CACNG3: variants seen among roughly 807,000 people sequenced by gnomAD.
CACNG3 encodes the protein calcium voltage-gated channel auxiliary subunit gamma 3.
Under a neutral mutation model 28.5 loss-of-function variants are expected in CACNG3, and 3 were observed. The observed-to-expected ratio is 0.11, with a 90% CI of 0.05 to 0.27. The LOEUF is 0.27. CACNG3 is among the 10% of genes least tolerant of loss of function. The pLI is 1.00. For missense variants in CACNG3, 236 were observed against 414.4 expected (o/e 0.57, Z 3.74); for synonymous variants, 174 against 162.2 (o/e 1.07, Z -0.55).
chr16:24,336,416 C>T (rs1899710222), intron 1 of CACNG3, among the ~76,000 whole-genome samples: 2 of 151,264 alleles, frequency 1.3e-5, no homozygotes, highest in South Asian at 2.1e-4. Context: ...GGACTATAGG[C>T]GCCCGCCACT....
chr16:24,305,964 T>A (rs1214522732), intron 1 of CACNG3, among the ~76,000 whole-genome samples: 1 of 152,172 alleles, frequency 6.6e-6, no homozygotes, highest in Non-Finnish European at 1.5e-5. Flanking sequence ...CGAGCCACTG[T>A]GCCTGGCCTG....
chr16:24,277,712 G>A (rs1300690782), intron 1 of CACNG3, among the ~76,000 whole-genome samples: 12 of 151,240 alleles, frequency 7.9e-5, no homozygotes, highest in African/African-American at 2.2e-4. Flanking sequence ...CCCAGGATGC[G>A]GAGGTTACAG....
At chr16:24,298,355 C>T (rs1237152435) in intron 1 of CACNG3, among the ~76,000 whole-genome samples, 1 of 151,812 alleles carries the variant, frequency 6.6e-6, no homozygotes, top group African/African-American at 2.4e-5. Flanking sequence ...TTAGTTAATC[C>T]CCAGTTATTG....
chr16:24,343,960 G>C (rs558030315), intron 1 of CACNG3, among the ~76,000 whole-genome samples: 16 of 152,022 alleles, frequency 1.1e-4, no homozygotes, highest in South Asian at 2.1e-4. Flanking sequence ...ATGGTGGCAG[G>C]CGCCTTTAAT....
chr16:24,274,706 G>A (rs1476259926), intron 1 of CACNG3, among the ~76,000 whole-genome samples: 13 of 152,160 alleles, frequency 8.5e-5, no homozygotes. Context: ...AGATGTTCTA[G>A]AATATCCCCG....
chr16:24,259,134 G>T lies in CACNG3; in HGVS notation c.211+2169G>T, dbSNP rs1217217574. 3.3e-5 allele frequency among the ~76,000 whole-genome samples: 5 copies of T among 152,328 alleles called. No homozygotes were observed. In the East Asian group the frequency reaches 9.6e-4, roughly 29 times the overall value. On this transcript the variant is annotated intron_variant, in intron 1 of 3. Coordinates refer to ENST00000005284, the MANE Select transcript of CACNG3 (RefSeq NM_006539.4). ...CAGGTGAATTCTATTGAGAAAATGT[G>T]TTGCAGTCCCCATACAACTTGGCCT...
intron 1 of CACNG3, among the ~76,000 whole-genome samples, chr16:24,278,252 A>C (rs1898777666): frequency 6.6e-6 from 1 of 152,168 alleles, no homozygotes; most frequent in African/African-American, 2.4e-5. Context: ...TAAGACTGTA[A>C]AAAATAAGAA....
intron 1 of CACNG3, among the ~76,000 whole-genome samples, chr16:24,328,855 T>C (rs1899594911): frequency 6.6e-6 from 1 of 152,106 alleles, no homozygotes; most frequent in South Asian, 2.1e-4. Context: ...CCAAAATGCG[T>C]CTGCGTCCAC....
chr16:24,345,016 G>A (rs377464024), intron 1 of CACNG3, among the ~76,000 whole-genome samples: 62 of 152,192 alleles, frequency 4.1e-4, no homozygotes, highest in African/African-American at 1.4e-3. Context: ...TACCTCCTGG[G>A]GTGGTAAACA....
At chr16:24,353,362 T>C (rs1162996613) in intron 2 of CACNG3, among the ~76,000 whole-genome samples, 3 of 152,226 alleles carry the variant, frequency 2.0e-5, no homozygotes, top group Non-Finnish European at 4.4e-5. Context: ...AGCCCCTTGA[T>C]GACAGGACCC....
chr16:24,334,929 G>T (rs1899681463), intron 1 of CACNG3, among the ~76,000 whole-genome samples: 1 of 152,166 alleles, frequency 6.6e-6, no homozygotes, highest in Non-Finnish European at 1.5e-5. Context: ...GATGAAGAAG[G>T]CCATACCCTC....
intron 1 of CACNG3, among the ~76,000 whole-genome samples, chr16:24,332,658 T>C (rs1037128835): frequency 2.6e-5 from 4 of 152,118 alleles, no homozygotes; most frequent in African/African-American, 9.7e-5. Flanking sequence ...TCCTTGTTAC[T>C]ATGAATTCAT....
intron 2 of CACNG3, among the ~76,000 whole-genome samples, chr16:24,350,332 T>G (rs1899925202): frequency 6.6e-6 from 1 of 151,020 alleles, no homozygotes; most frequent in East Asian, 1.9e-4. Context: ...TTTTTTTTTT[T>G]GAGATGGGGT....
intron 1 of CACNG3, among the ~76,000 whole-genome samples, chr16:24,313,069 G>C: frequency 1.3e-5 from 1 of 76,454 alleles, no homozygotes; most frequent in African/African-American, 7.2e-5. Context: ...GAAAGCGAGG[G>C]AGGGAGGAAG....
At chr16:24,259,818 A>T (rs747837268) in intron 1 of CACNG3, among the ~76,000 whole-genome samples, 6 of 152,186 alleles carry the variant, frequency 3.9e-5, no homozygotes, top group Non-Finnish European at 5.9e-5. Flanking sequence ...AACACCAAAA[A>T]TATTCAAGAA....
chr16:24,315,027 G>T (rs1430996110), intron 1 of CACNG3, among the ~76,000 whole-genome samples: 6 of 152,072 alleles, frequency 3.9e-5, no homozygotes, highest in Non-Finnish European at 8.8e-5. Context: ...GAGGTGTCTT[G>T]CCCACCTGAC....
At chr16:24,309,808 C>T (rs1163916307) in intron 1 of CACNG3, among the ~76,000 whole-genome samples, 4 of 152,062 alleles carry the variant, frequency 2.6e-5, no homozygotes, top group South Asian at 2.1e-4. Flanking sequence ...AGGCAGAGGG[C>T]GTGGCGCATG....
At chr16:24,334,178 A>T (rs1899669758) in intron 1 of CACNG3, among the ~76,000 whole-genome samples, 1 of 152,222 alleles carries the variant, frequency 6.6e-6, no homozygotes. Flanking sequence ...AAAGACCTAC[A>T]ACGCTGGACC....
intron 1 of CACNG3, among the ~76,000 whole-genome samples, chr16:24,310,303 C>G (rs1899243013): frequency 6.6e-6 from 1 of 152,196 alleles, no homozygotes; most frequent in South Asian, 2.1e-4. Flanking sequence ...GTGGCTCACG[C>G]CTGTAATCCC....
Sources: allele counts gnomAD v4.1 joint callset (sites outside exome capture counted in the v4.1 genomes callset), GRCh38; gene constraint gnomAD v4.1.1; transcripts MANE v1.5; gene names NCBI Gene and HGNC (gene_info 2026-07-23, HGNC 2026-07-21).